The following PCDHA11 variants were observed in gnomAD, a reference collection of about 807,000 sequenced individuals.
PCDHA11 encodes protocadherin alpha-11.
PCDHA11 carries 61 observed loss-of-function variants against 70.3 expected under a neutral mutation model. The observed-to-expected ratio is 0.87, with a 90% CI of 0.71 to 1.07. The LOEUF is 1.07. Ranked by LOEUF, PCDHA11 falls within the 50% of genes least tolerant of loss-of-function variation. The pLI is 0.00. For missense variants in PCDHA11, 1,324 were observed against 1,237.5 expected (o/e 1.07, Z -1.05); for synonymous variants, 633 against 555.1 (o/e 1.14, Z -1.97).
intron 1 of PCDHA11, among the ~76,000 whole-genome samples, chr5:140,919,265 T>A (rs534045587): frequency 4.3e-4 from 66 of 152,394 alleles, no homozygotes. Flanking sequence ...GATATTAGTG[T>A]AGTCACTCCA....
intron 1 of PCDHA11, among the ~76,000 whole-genome samples, chr5:140,945,169 AAAAT>A (rs1302154201): frequency 2.0e-5 from 3 of 152,164 alleles, no homozygotes; most frequent in Non-Finnish European, 4.4e-5. Context: ...AACTATCTGA[AAAAT>A]AAATCAAGAA....
intron 1 of PCDHA11, among the ~76,000 whole-genome samples, chr5:140,896,927 A>G (rs1453519374): frequency 6.6e-6 from 1 of 152,212 alleles, no homozygotes; most frequent in Non-Finnish European, 1.5e-5. Flanking sequence ...TAATCACATC[A>G]TGGAAAATGG....
intron 1 of PCDHA11, chr5:140,967,767 A>G (rs782195052): frequency 1.2e-6 from 2 of 1,614,216 alleles, no homozygotes; most frequent in East Asian, 2.2e-5. Context: ...TACCAGATCT[A>G]TGTGCAGGCG....
Position 140,932,015 on chromosome 5 carries a change from C to T in PCDHA11, c.2392-46934C>T, listed in dbSNP as rs150185692. Reference sequence around the variant, plus strand: ...TTCTAAGTTCTTTCATTTTAGTTTACGGTAAGTTTACAGTATATATTAACA... The same window carrying T: ...TTCTAAGTTCTTTCATTTTAGTTTATGGTAAGTTTACAGTATATATTAACA... On this transcript the variant is annotated intron_variant, in intron 1 of 3. Coordinates refer to ENST00000398640, the MANE Select transcript of PCDHA11 (RefSeq NM_018902.5). Among the ~76,000 whole-genome samples, 8 of 151,784 alleles carry T rather than the reference C, an allele frequency of 5.3e-5. No homozygotes were observed. The East Asian group carries it at 5.8e-4, about 11-fold the overall frequency.
At chr5:140,949,783 G>A (rs1181020228) in intron 1 of PCDHA11, among the ~76,000 whole-genome samples, 1 of 151,784 alleles carries the variant, frequency 6.6e-6, no homozygotes, top group Non-Finnish European at 1.5e-5. Context: ...GATATGTTTA[G>A]ATTTGTGTCC....
At position 141,009,699 on chromosome 5, in the gene PCDHA11, G is replaced by A. The variant is rs1554262287; in HGVS notation, c.2612G>A (p.Gly871Glu). Residue 871 changes from glycine to glutamate, a missense_variant, in exon 4 of 4, where the codon GGA becomes GAA. Gly to Glu is a moderately conservative substitution (Grantham distance 98, BLOSUM62 -2). Transcript: ENST00000398640. ...AGCAACAGCTGGACCTTTAAATACG[G>A]ACCAGGCAACCCCAAACAATCCGGT... Reference protein sequence around the residue: ...VNSNSWTFKYGPGNPKQSGPG... With the variant: ...VNSNSWTFKYEPGNPKQSGPG... 1 of 1,614,030 alleles carries A rather than the reference G, an allele frequency of 6.2e-7. No individual in the cohort carries two copies. The highest frequency in any genetic ancestry group is 8.5e-7 in the Non-Finnish European group (1 of 1,180,010).
At chr5:140,877,748 G>T in intron 1 of PCDHA11, 1 of 1,614,188 alleles carries the variant, frequency 6.2e-7, no homozygotes, top group Non-Finnish European at 8.5e-7. Flanking sequence ...CAGAGGGTGT[G>T]CTCTGCAGAG....
chr5:140,985,021 T>A (rs2097132867), intron 3 of PCDHA11, among the ~76,000 whole-genome samples: 1 of 151,956 alleles, frequency 6.6e-6, no homozygotes, highest in African/African-American at 2.4e-5. Flanking sequence ...CACAGCAACC[T>A]CTGCCTCCTG....
chr5:140,972,072 T>C (rs1380413898), intron 1 of PCDHA11, among the ~76,000 whole-genome samples: 1 of 152,212 alleles, frequency 6.6e-6, no homozygotes, highest in Non-Finnish European at 1.5e-5. Flanking sequence ...ATTAACTGCT[T>C]TTGGAAAAAG....
At chr5:140,968,324 T>C (rs781875050) in intron 1 of PCDHA11, 15 of 1,613,972 alleles carry the variant, frequency 9.3e-6, no homozygotes. Context: ...GCCAGTCACC[T>C]CCTATGTCTC....
intron 1 of PCDHA11, chr5:140,883,703 G>C: frequency 6.2e-7 from 1 of 1,613,802 alleles, no homozygotes; most frequent in Non-Finnish European, 8.5e-7. Context: ...CACGGTGTCT[G>C]CTCAGGACGC....
chr5:140,959,493 A>C (rs533403086), intron 1 of PCDHA11, among the ~76,000 whole-genome samples: 3 of 152,280 alleles, frequency 2.0e-5, no homozygotes, highest in South Asian at 2.1e-4. Context: ...TTATATATGG[A>C]TCAAACTAAA....
intron 3 of PCDHA11, among the ~76,000 whole-genome samples, chr5:140,992,004 G>A (rs1165725360): frequency 2.0e-5 from 3 of 147,598 alleles, no homozygotes; most frequent in Non-Finnish European, 3.0e-5. Context: ...TTCATGTTCA[G>A]GCAGAGGTGG....
intron 1 of PCDHA11, among the ~76,000 whole-genome samples, chr5:140,974,766 G>A (rs2096639663): frequency 6.6e-6 from 1 of 152,158 alleles, no homozygotes; most frequent in Non-Finnish European, 1.5e-5. Flanking sequence ...GGGATTACAG[G>A]TATGAGCCAC....
intron 1 of PCDHA11, among the ~76,000 whole-genome samples, chr5:140,879,472 G>T (rs546855959): frequency 6.6e-6 from 1 of 152,318 alleles, no homozygotes; most frequent in South Asian, 2.1e-4. Context: ...GAATACCGTT[G>T]TGATTGGAAA....
Position 140,873,523 on chromosome 5 carries a change from G to A in PCDHA11, c.2391+2029G>A, listed in dbSNP as rs1371984958. 2.0e-5 allele frequency among the ~76,000 whole-genome samples: 3 copies of A among 152,090 alleles called. No homozygotes were observed. In the East Asian group the frequency reaches 5.8e-4, roughly 29 times the overall value. ...GTCTTTTATACTTAATGCCAAGATTGCATTCTATGGTATAAAATTATAATT... is the reference window on the plus strand; with the variant it reads ...GTCTTTTATACTTAATGCCAAGATTACATTCTATGGTATAAAATTATAATT... On this transcript the variant is annotated intron_variant, in intron 1 of 3. Transcript: ENST00000398640.
At chr5:140,964,401 G>A (rs1230382796) in intron 1 of PCDHA11, among the ~76,000 whole-genome samples, 6 of 152,166 alleles carry the variant, frequency 3.9e-5, no homozygotes, top group Admixed American at 2.0e-4. Flanking sequence ...CCCAAGACAT[G>A]ACATTTGGGG....
Position 140,869,628 on chromosome 5 carries a change from T to TGAGTATTTTTCTTTA in PCDHA11, c.528_542dup (p.Glu176_Leu180dup). ...TATTGACCTACAGGCTAAGTAAAAA[T>TGAGTATTTTTCTTTA]GAGTATTTTTCTTTAGATTCACCAA... On this transcript the variant is annotated inframe_insertion, in exon 1 of 4. Transcript: ENST00000398640. 6.2e-7 allele frequency: 1 copy of TGAGTATTTTTCTTTA among 1,613,700 alleles called. No homozygotes were observed. Among genetic ancestry groups the TGAGTATTTTTCTTTA allele is most frequent in the Non-Finnish European group, 8.5e-7 (1 of 1,179,890 alleles).
In PCDHA11 at chr5:140,870,787, C is replaced by T. The variant is rs782200395; in HGVS notation, c.1684C>T (p.Pro562Ser). Residue 562 changes from proline (P) to serine (S), a missense_variant, in exon 1 of 4, where the codon CCG (proline) becomes TCG (serine). Pro to Ser is a moderately conservative substitution (Grantham distance 74). Transcript: ENST00000398640. ...CGTGCTGGACGAGAACGACAACGCG[C>T]CGGCACTGCTGGCGACTCAGGCTGG... ...VFVLDENDNA[P>S]ALLATQAGSA... 6.2e-7 allele frequency: 1 copy of T among 1,613,638 alleles called. No homozygotes were observed. Among genetic ancestry groups the T allele is most frequent in the Admixed American group, 1.7e-5 (1 of 60,028 alleles).
Sources: allele counts gnomAD v4.1 joint callset (sites outside exome capture counted in the v4.1 genomes callset), GRCh38; gene constraint gnomAD v4.1.1; transcripts MANE v1.5; gene names NCBI Gene and HGNC (gene_info 2026-07-23, HGNC 2026-07-21).